The following MCPH1 variants were observed in gnomAD, a reference collection of about 807,000 sequenced individuals.
The protein encoded by MCPH1 is microcephalin.
Under a neutral mutation model 84.5 loss-of-function variants are expected in MCPH1, and 104 were observed. The ratio of observed to expected loss-of-function variants is 1.23; its 90% CI spans 1.05 to 1.45. The LOEUF (loss-of-function observed/expected upper bound fraction) is 1.45. Ranked by LOEUF, MCPH1 falls within the 40% of genes most tolerant of loss-of-function variation. The pLI is 0.00. For synonymous variants in MCPH1, 514 were observed against 366.8 expected (o/e 1.40, Z -4.58); for missense variants, 1,498 against 1,005.7 (o/e 1.49, Z -6.62).
rs556803400 is a variant in MCPH1 at position 6,444,936 on chromosome 8, T to G, written c.1214T>G (p.Leu405Arg). The G allele has an allele frequency of 6.2e-7, 1 of 1,614,220 alleles. No homozygotes were observed. Among genetic ancestry groups the G allele is most frequent in the South Asian group, 1.1e-5 (1 of 91,090 alleles). ...GTGGCGGGACCTGCCCTGGAGGCTCTTAGCTGTGGGGAGTCTTCATATGAT... is the reference window on the plus strand; with the variant it reads ...GTGGCGGGACCTGCCCTGGAGGCTCGTAGCTGTGGGGAGTCTTCATATGAT... ...QHVAGPALEA[L>R]SCGESSYDDY... The change falls in exon 8 of 14, where the codon CTT becomes CGT. Residue 405 changes from leucine (L) to arginine (R), a missense_variant. By Grantham distance (102) the Leu-to-Arg change is moderately radical (BLOSUM62 -2). Transcript: ENST00000344683.
intron 12 of MCPH1, among the ~76,000 whole-genome samples, chr8:6,529,429 C>A (rs937081970): frequency 6.6e-6 from 1 of 151,632 alleles, no homozygotes; most frequent in South Asian, 2.1e-4. Flanking sequence ...TTCTTTGCGG[C>A]CTTCCTTAAG....
rs1798316501 is a variant in MCPH1, at chr8:6,648,393, A to T, written c.*5344A>T. 1 of 152,256 alleles carries T rather than the reference A, an allele frequency of 6.6e-6. No individual in the cohort carries two copies. The highest frequency in any genetic ancestry group is 6.5e-5 in the Admixed American group (1 of 15,288). The allele number at this position is 152,256 out of a possible 1,614,324, so 9.4% of individuals were successfully genotyped here. On this transcript the variant is annotated 3_prime_UTR_variant, in exon 14 of 14. Coordinates refer to ENST00000344683, the MANE Select transcript of MCPH1 (RefSeq NM_024596.5). ...TACCCAGAGGACCCATCAGACAGAA[A>T]GTAATATGCAGATAACAGCCCAGGG...
At chr8:6,622,818 C>G (rs1386277127) in intron 13 of MCPH1, among the ~76,000 whole-genome samples, 4 of 152,034 alleles carry the variant, frequency 2.6e-5, no homozygotes, top group Non-Finnish European at 2.9e-5. Context: ...GATTAGGGCT[C>G]ACCCAATGGC....
At chr8:6,571,252 G>C (rs1826639628) in intron 12 of MCPH1, among the ~76,000 whole-genome samples, 1 of 150,432 alleles carries the variant, frequency 6.6e-6, no homozygotes, top group Non-Finnish European at 1.5e-5. Context: ...TCTCCCTGTA[G>C]AATGAAATGC....
intron 12 of MCPH1, among the ~76,000 whole-genome samples, chr8:6,572,609 A>T (rs931777802): frequency 2.0e-5 from 3 of 152,270 alleles, no homozygotes; most frequent in African/African-American, 7.2e-5. Flanking sequence ...CAGTGAAAAA[A>T]TATTTTTAGG....
chr8:6,517,834 T>C (rs1816564489), intron 12 of MCPH1, among the ~76,000 whole-genome samples: 1 of 152,212 alleles, frequency 6.6e-6, no homozygotes, highest in South Asian at 2.1e-4. Context: ...CTGGATCAGA[T>C]TGTGACTTAC....
At chr8:6,566,431 A>C (rs935005410) in intron 12 of MCPH1, among the ~76,000 whole-genome samples, 3 of 151,980 alleles carry the variant, frequency 2.0e-5, no homozygotes, top group African/African-American at 7.2e-5. Flanking sequence ...CAGTGCAATA[A>C]CCGTGTGTGG....
chr8:6,485,990 G>C (rs527436579), intron 11 of MCPH1, among the ~76,000 whole-genome samples: 25 of 152,194 alleles, frequency 1.6e-4, no homozygotes, highest in Middle Eastern at 3.4e-3. Context: ...TCTTCAAGAA[G>C]ACAAAGATGA....
intron 13 of MCPH1, among the ~76,000 whole-genome samples, chr8:6,635,900 T>C (rs529619834): frequency 6.6e-6 from 1 of 152,372 alleles, no homozygotes; most frequent in African/African-American, 2.4e-5. Flanking sequence ...CAGCAGCTGA[T>C]TGCGGTCTCT....
chr8:6,410,647 A>T (rs565064830), intron 2 of MCPH1, among the ~76,000 whole-genome samples: 1 of 152,318 alleles, frequency 6.6e-6, no homozygotes, highest in East Asian at 1.9e-4. Flanking sequence ...CGGGTTTTAC[A>T]AAAGGGAAAA....
intron 1 of MCPH1, chr8:6,407,178 G>C (rs1267766889): frequency 4.9e-6 from 1 of 203,734 alleles, no homozygotes; most frequent in East Asian, 1.5e-4. Context: ...TCCTGGGTCT[G>C]GTCCTGTTCG....
At chr8:6,470,309 A>G (rs914118363) in intron 9 of MCPH1, among the ~76,000 whole-genome samples, 5 of 151,962 alleles carry the variant, frequency 3.3e-5, no homozygotes, top group African/African-American at 9.7e-5. Context: ...TTCGAGACAA[A>G]GTCTCGCTCT....
At chr8:6,583,871 G>A (rs1253466244) in intron 12 of MCPH1, among the ~76,000 whole-genome samples, 2 of 87,394 alleles carry the variant, frequency 2.3e-5, no homozygotes, top group African/African-American at 8.3e-5. Flanking sequence ...TTTTTTTTAA[G>A]ACATATCTTT....
chr8:6,526,567 C>T (rs1204342148), intron 12 of MCPH1, among the ~76,000 whole-genome samples: 1 of 152,136 alleles, frequency 6.6e-6, no homozygotes, highest in Non-Finnish European at 1.5e-5. Context: ...TTTTAAAAAT[C>T]TATTTGCTTT....
At chr8:6,529,465 T>C (rs1458933168) in intron 12 of MCPH1, among the ~76,000 whole-genome samples, 1 of 151,432 alleles carries the variant, frequency 6.6e-6, no homozygotes, top group Non-Finnish European at 1.5e-5. Flanking sequence ...TTTTTTTTTT[T>C]TTTTGAGACA....
chr8:6,549,981 T>G (rs1823328206), intron 12 of MCPH1, among the ~76,000 whole-genome samples: 1 of 152,058 alleles, frequency 6.6e-6, no homozygotes, highest in African/African-American at 2.4e-5. Context: ...CATGAAAAGG[T>G]TGGGGTTGGC....
At position 6,496,847 on chromosome 8, in the gene MCPH1, A is replaced by G. The variant is rs954443975; in HGVS notation, c.2137-3005A>G. Among the ~76,000 whole-genome samples the G allele has an allele frequency of 2.6e-5, 4 of 152,166 alleles. No individual in the cohort carries two copies. In the East Asian group the frequency reaches 7.7e-4, roughly 29 times the overall value. ...TAAATGGGGTCATGTTTTCAAGCCC[A>G]ACTTAAAATCCCTCTTACAGATTGC... On this transcript the variant is annotated intron_variant, in intron 11 of 13. Transcript: ENST00000344683.
rs748034468 is a variant in MCPH1 at position 6,445,168 on chromosome 8, C to T, written c.1446C>T (p.Ser482=). ...CCAATTTCACAGCAAAAACCATCTC[C>T]AGTCCTCGGAAAACTGGAAATGGTG... ...DITNFTAKTI[S]SPRKTGNGEG... is the part of the protein sequence containing the mutation. Residue 482 remains serine, a synonymous_variant, in exon 8 of 14, where the codon TCC becomes TCT. Transcript: ENST00000344683. 2.5e-6 allele frequency: 4 copies of T among 1,614,108 alleles called. No individual in the cohort carries two copies. The highest frequency in any genetic ancestry group is 3.3e-5 in the Admixed American group (2 of 60,004).
chr8:6,442,747 A>C (rs75796265), intron 7 of MCPH1, among the ~76,000 whole-genome samples: 10,147 of 152,236 alleles, frequency 0.067, 830 homozygotes, highest in African/African-American at 0.19. Context: ...CCTAGTCCCC[A>C]GTGGGGCTCA....
Sources: gnomAD v4.1 joint callset for allele counts (sites outside exome capture counted in the v4.1 genomes callset) on GRCh38, gnomAD v4.1.1 for gene constraint, MANE v1.5 for transcripts, NCBI Gene and HGNC (gene_info 2026-07-23, HGNC 2026-07-21) for gene names.